The following LRP1B variants were observed in gnomAD, a reference collection of about 807,000 sequenced individuals.
LRP1B encodes the protein low-density lipoprotein receptor-related protein 1B.
LRP1B carries 217 observed loss-of-function variants against 556.6 expected under a neutral mutation model. That is an observed-to-expected ratio of 0.39 (90% CI 0.35 to 0.44). The LOEUF (loss-of-function observed/expected upper bound fraction) is 0.44, where lower values mean the gene tolerates loss of function less well. Among genes scored for constraint, LRP1B ranks in the 20% least tolerant of loss-of-function variants. LRP1B has a pLI of 1.00. For missense variants in LRP1B, 5,053 were observed against 5,620.8 expected (o/e 0.90, Z 3.23); for synonymous variants, 2,047 against 1,865.8 (o/e 1.10, Z -2.50).
intron 6 of LRP1B, among the ~76,000 whole-genome samples, chr2:141,211,691 C>G (rs1424174046): frequency 6.6e-6 from 1 of 152,110 alleles, no homozygotes; most frequent in Admixed American, 6.6e-5. Context: ...TAAATCAGAA[C>G]AGGTTACTTC....
At chr2:141,519,359 T>TGATA (rs1684443348) in intron 2 of LRP1B, among the ~76,000 whole-genome samples, 2 of 57,302 alleles carry the variant, frequency 3.5e-5, no homozygotes, top group Non-Finnish European at 6.2e-5. Flanking sequence ...CTTAAGTCAA[T>TGATA]GATATATATA....
intron 1 of LRP1B, among the ~76,000 whole-genome samples, chr2:142,020,954 C>T (rs1406958664): frequency 1.3e-5 from 2 of 152,220 alleles, no homozygotes; most frequent in East Asian, 1.9e-4. Flanking sequence ...TGCAAAGTTG[C>T]AAGATCTACT....
intron 2 of LRP1B, among the ~76,000 whole-genome samples, chr2:141,755,689 CA>C (rs1322881229): frequency 5.9e-5 from 9 of 151,856 alleles, no homozygotes; most frequent in Admixed American, 6.6e-5. Context: ...GAAGTATATA[CA>C]AAAGGATGTT....
chr2:140,536,368 G>A (rs1235292925), intron 46 of LRP1B, among the ~76,000 whole-genome samples: 4 of 122,144 alleles, frequency 3.3e-5, no homozygotes. Context: ...AGAAAACCAT[G>A]AGGAAATTAT....
At chr2:141,279,343 A>T (rs1263597225) in intron 3 of LRP1B, among the ~76,000 whole-genome samples, 1 of 152,116 alleles carries the variant, frequency 6.6e-6, no homozygotes, top group Non-Finnish European at 1.5e-5. Flanking sequence ...TTGCAAAATT[A>T]TCCTAACACC....
At chr2:140,997,420 A>T (rs1467307597) in intron 15 of LRP1B, among the ~76,000 whole-genome samples, 1 of 151,808 alleles carries the variant, frequency 6.6e-6, no homozygotes, top group Non-Finnish European at 1.5e-5. Flanking sequence ...TCAGATTGGG[A>T]ACTCAGCTCA....
At chr2:141,203,512 C>T (rs1029096526) in intron 6 of LRP1B, among the ~76,000 whole-genome samples, 4 of 152,146 alleles carry the variant, frequency 2.6e-5, no homozygotes, top group Non-Finnish European at 5.9e-5. Context: ...GCACCCAATA[C>T]AGGAGCACCC....
chr2:140,633,403 C>G (rs1208546357), intron 41 of LRP1B, among the ~76,000 whole-genome samples: 1 of 152,044 alleles, frequency 6.6e-6, no homozygotes, highest in African/African-American at 2.4e-5. Flanking sequence ...TAATCTCAGG[C>G]TCTACTGCAG....
At position 141,920,987 on chromosome 2, in the gene LRP1B, A is replaced by G. The variant is rs775930560; in HGVS notation, c.83-110586T>C. Among the ~76,000 whole-genome samples the G allele has an allele frequency of 6.6e-5, 10 of 152,056 alleles. 1 individual carries two copies. Among genetic ancestry groups the G allele is most frequent in the Non-Finnish European group, 1.0e-4 (7 of 67,930 alleles). ...GAACTCACTCATGTTGAAATACTCC[A>G]TGAACATTCCTTCATCCTACCCCTA... On this transcript the variant is annotated intron_variant, in intron 1 of 90. Transcript: ENST00000389484.
intron 3 of LRP1B, among the ~76,000 whole-genome samples, chr2:141,396,786 C>T (rs964793539): frequency 2.0e-5 from 3 of 151,800 alleles, no homozygotes; most frequent in Non-Finnish European, 4.4e-5. Context: ...AAAACGATCC[C>T]TAGAAAAAAT....
chr2:141,665,827 A>T (rs1324425871), intron 2 of LRP1B, among the ~76,000 whole-genome samples: 2 of 152,144 alleles, frequency 1.3e-5, no homozygotes, highest in East Asian at 1.9e-4. Context: ...AACTAGGTAC[A>T]GAAAACCAAA....
intron 86 of LRP1B, among the ~76,000 whole-genome samples, chr2:140,256,661 G>T (rs900727241): frequency 6.6e-6 from 1 of 150,752 alleles, no homozygotes; most frequent in African/African-American, 2.4e-5. Flanking sequence ...TAGAGATGGG[G>T]TTTCAGCATG....
intron 27 of LRP1B, among the ~76,000 whole-genome samples, chr2:140,859,976 AAG>A (rs1282341506): frequency 6.6e-6 from 1 of 152,086 alleles, no homozygotes; most frequent in Non-Finnish European, 1.5e-5. Context: ...GCCTGGGTGA[AAG>A]AGCGAGACTC....
At chr2:141,177,927 C>T (rs1680808026) in intron 7 of LRP1B, among the ~76,000 whole-genome samples, 1 of 152,106 alleles carries the variant, frequency 6.6e-6, no homozygotes, top group East Asian at 1.9e-4. Flanking sequence ...TCAAAGCAGC[C>T]ACCTATAAAT....
chr2:141,081,495 G>GC (rs1237721034), intron 7 of LRP1B, among the ~76,000 whole-genome samples: 2 of 152,090 alleles, frequency 1.3e-5, no homozygotes, highest in African/African-American at 4.8e-5. Context: ...GCTCTTTCTT[G>GC]CAAGACTTTC....
intron 2 of LRP1B, among the ~76,000 whole-genome samples, chr2:141,650,125 A>G (rs977208427): frequency 6.6e-6 from 1 of 152,230 alleles, no homozygotes. Context: ...GGTTGCAGTC[A>G]GCCAAGATTG....
At chr2:140,703,495 A>G (rs1407296656) in intron 37 of LRP1B, among the ~76,000 whole-genome samples, 2 of 152,172 alleles carry the variant, frequency 1.3e-5, no homozygotes, top group African/African-American at 2.4e-5. Flanking sequence ...ACATCTACTG[A>G]AGTTTTTATC....
chr2:141,664,876 C>A (rs1228747153), intron 2 of LRP1B, among the ~76,000 whole-genome samples: 1 of 151,942 alleles, frequency 6.6e-6, no homozygotes, highest in Non-Finnish European at 1.5e-5. Flanking sequence ...GATATGGAAC[C>A]AAAAAAGAGC....
intron 41 of LRP1B, among the ~76,000 whole-genome samples, chr2:140,647,882 G>A (rs1049834573): frequency 4.6e-5 from 7 of 152,086 alleles, no homozygotes; most frequent in Admixed American, 3.3e-4. Flanking sequence ...ACAGTGTGGC[G>A]ATTCCTCAAG....
Sources: allele counts gnomAD v4.1 joint callset (sites outside exome capture counted in the v4.1 genomes callset), GRCh38; gene constraint gnomAD v4.1.1; transcripts MANE v1.5; gene names NCBI Gene and HGNC (gene_info 2026-07-23, HGNC 2026-07-21).